Variants in KTN1 observed in about 807,000 individuals in gnomAD.
The protein encoded by KTN1 is kinectin.
In KTN1, 130 loss-of-function variants were observed where a neutral mutation model predicts 222.5. The ratio of observed to expected loss-of-function variants is 0.58; its 90% confidence interval spans 0.51 to 0.68. The LOEUF is 0.68. Among genes scored for constraint, KTN1 ranks in the 30% least tolerant of loss-of-function variants. The pLI is 0.00. For missense variants in KTN1, 1,508 were observed against 1,500.4 expected (o/e 1.01, Z -0.08); for synonymous variants, 512 against 496.3 (o/e 1.03, Z -0.42).
Position 55,673,021 on chromosome 14 carries a change from A to G in KTN1, c.3687+9A>G, listed in dbSNP as rs367995903. 2.5e-6 allele frequency: 4 copies of G among 1,600,570 alleles called. No individual in the cohort carries two copies. In the African/African-American group the frequency reaches 5.4e-5, roughly 21 times the overall value. On this transcript the variant is annotated intron_variant, in intron 39 of 43. Transcript: ENST00000395314. ...TTACAGAAGTCAGAGAGGTACTTAC[A>G]ACAGAATCTTTTCAAACTTGCTTCT...
intron 22 of KTN1, 121 bp downstream of exon 22, chr14:55,649,934 C>G (rs926803402): frequency 2.8e-5 from 15 of 529,402 alleles, no homozygotes; most frequent in Non-Finnish European, 4.9e-5. Flanking sequence ...AACTTTCACT[C>G]TATAATTTTT....
chr14:55,649,370 G>T (rs1451799242), intron 21 of KTN1, among the ~76,000 whole-genome samples: 1 of 147,924 alleles, frequency 6.8e-6, no homozygotes, highest in Non-Finnish European at 1.5e-5. Flanking sequence ...TGATTGCCAG[G>T]TACTGTGACA....
rs763976718 is a variant in KTN1 at position 55,616,533 on chromosome 14, G to T, written c.540G>T (p.Lys180Asn). The T allele has an allele frequency of 3.2e-6, 5 of 1,584,310 alleles. No homozygotes were observed. The African/African-American group carries it at 6.9e-5, about 22-fold the overall frequency. ...TTAATAAAGATGACCAGGATAAAAAGGTGGAAACTCTCATGGTACCATCAA... is the reference window on the plus strand; with the variant it reads ...TTAATAAAGATGACCAGGATAAAAATGTGGAAACTCTCATGGTACCATCAA... ...SKNGSDDQDK[K>N]VETLMVPSKR... The change falls in exon 3 of 44, where the codon AAG becomes AAT. Residue 180 changes from lysine (K) to asparagine (N), a missense_variant. By Grantham distance (94) the Lys-to-Asn change is moderately conservative (BLOSUM62 0). Coordinates refer to ENST00000395314, the MANE Select transcript of KTN1 (RefSeq NM_001079521.2).
At chr14:55,684,053 G>A (rs772979505) in intron 43 of KTN1, 46 bp from the exon 44 acceptor site, 1 of 1,562,772 alleles carries the variant, frequency 6.4e-7, no homozygotes, top group South Asian at 1.2e-5. Context: ...ATTGCCTTCT[G>A]TTGCTTTGTT....
At position 55,637,834 on chromosome 14, in the gene KTN1, A is replaced by G. The variant is rs766927714; in HGVS notation, c.1772A>G (p.Gln591Arg). Residue 591 changes from glutamine to arginine, a missense_variant, in exon 12 of 44, where the codon CAG (glutamine) becomes CGG (arginine). Gln to Arg is a conservative substitution (Grantham distance 43, BLOSUM62 1). Transcript: ENST00000395314. ...LKAQIQQFHS[Q>R]IAAQTSASVL... is the part of the protein sequence containing the mutation. Reference sequence around the variant, plus strand: ...GCTCAAATTCAGCAGTTCCATTCCCAGATAGCAGCCCAGGTAATGATGCTT... The same window carrying G: ...GCTCAAATTCAGCAGTTCCATTCCCGGATAGCAGCCCAGGTAATGATGCTT... 1.2e-5 allele frequency: 19 copies of G among 1,610,872 alleles called. No individual in the cohort carries two copies. The South Asian group carries it at 1.9e-4, about 16-fold the overall frequency.
At position 55,633,273 on chromosome 14, in the gene KTN1, T is replaced by C; in HGVS notation, c.1260T>C (p.Ala420=). Residue 420 remains alanine, a synonymous_variant, in exon 8 of 44, where the codon GCT becomes GCC. Coordinates refer to ENST00000395314, the MANE Select transcript of KTN1 (RefSeq NM_001079521.2). ...GTGAGCAGATGGAGGCAGAGATAGC[T>C]CACTTGAAGCAGGAAAATGGTATAC... ...QVREQMEAEI[A]HLKQENGILR... 6.3e-7 allele frequency: 1 copy of C among 1,598,364 alleles called. No individual in the cohort carries two copies. The highest frequency in any genetic ancestry group is 8.5e-7 in the Non-Finnish European group (1 of 1,172,310).
At chr14:55,603,711 C>A (rs930469618) in intron 1 of KTN1, among the ~76,000 whole-genome samples, 6 of 152,188 alleles carry the variant, frequency 3.9e-5, no homozygotes, top group African/African-American at 1.4e-4. Flanking sequence ...ATATCTCCAG[C>A]CTTCACTTGT....
intron 1 of KTN1, among the ~76,000 whole-genome samples, chr14:55,582,356 G>A (rs2031877756): frequency 6.6e-6 from 1 of 152,046 alleles, no homozygotes; most frequent in Non-Finnish European, 1.5e-5. Flanking sequence ...TAGGGAGATC[G>A]TTTTAATAAT....
intron 18 of KTN1, chr14:55,644,437 G>A: frequency 1.4e-6 from 1 of 702,308 alleles, no homozygotes; most frequent in Non-Finnish European, 2.6e-6. Context: ...AAGACAACAG[G>A]TACCAAGTAA....
chr14:55,585,387 A>G (rs1473137556), intron 1 of KTN1, among the ~76,000 whole-genome samples: 1 of 152,212 alleles, frequency 6.6e-6, no homozygotes, highest in African/African-American at 2.4e-5. Context: ...GCAAGGAATC[A>G]AAATATATGT....
At chr14:55,627,797 T>C in intron 5 of KTN1, 115 bp from the exon 6 acceptor site, 1 of 645,456 alleles carries the variant, frequency 1.5e-6, no homozygotes, top group Non-Finnish European at 2.8e-6. Context: ...CATGAACTCA[T>C]TCTTTTTTAT....
chr14:55,650,492 T>C (rs1408365478), intron 23 of KTN1, 74 bp downstream of exon 23: 3 of 1,509,200 alleles, frequency 2.0e-6, no homozygotes, highest in Admixed American at 3.5e-5. Flanking sequence ...ATTTCGTGTG[T>C]TTTTGTCTGT....
At position 55,671,896 on chromosome 14, in the gene KTN1, CT is replaced by C; in HGVS notation, c.3531+21del. The C allele has an allele frequency of 7.1e-7, 1 of 1,404,498 alleles. No homozygotes were observed. The highest frequency in any genetic ancestry group is 1.0e-6 in the Non-Finnish European group (1 of 990,434). The allele number at this position is 1,404,498 out of a possible 1,614,324, so 87.0% of individuals were successfully genotyped here. On this transcript the variant is annotated intron_variant, in intron 37 of 43. Coordinates refer to ENST00000395314, the MANE Select transcript of KTN1 (RefSeq NM_001079521.2). The stretch of plus-strand genomic sequence containing the variant: ...TAAACAGGTATTTACAAAAGAAAAG[CT>C]TAGAGCAGTGGTTCTCGATGTGTGG...
At chr14:55,599,454 C>T (rs2035609328) in intron 1 of KTN1, among the ~76,000 whole-genome samples, 1 of 151,926 alleles carries the variant, frequency 6.6e-6, no homozygotes, top group African/African-American at 2.4e-5. Flanking sequence ...CTTTTGTGGC[C>T]ATTGAGCCAT....
At chr14:55,654,566 T>C (rs2043268730) in intron 28 of KTN1, among the ~76,000 whole-genome samples, 1 of 152,080 alleles carries the variant, frequency 6.6e-6, no homozygotes, top group Non-Finnish European at 1.5e-5. Context: ...ATTTTCTTTT[T>C]TAAATTAATA....
In KTN1 at chr14:55,663,305, A is replaced by G. The variant is rs561417072; in HGVS notation, c.3091-650A>G. On this transcript the variant is annotated intron_variant, in intron 32 of 43. Coordinates refer to ENST00000395314, the MANE Select transcript of KTN1 (RefSeq NM_001079521.2). Reference sequence around the variant, plus strand: ...AATGCTGTTAAAATCCAGATCTCTCAATTTTTAATAACCTCTTTCGCCTCC... The same window carrying G: ...AATGCTGTTAAAATCCAGATCTCTCGATTTTTAATAACCTCTTTCGCCTCC... 10 of 180,854 alleles carry G rather than the reference A, an allele frequency of 5.5e-5. No homozygotes were observed. In the South Asian group the frequency reaches 1.2e-3, roughly 22 times the overall value. The allele number at this position is 180,854 out of a possible 1,614,324, so 11.2% of individuals were successfully genotyped here. A position where few individuals can be genotyped will look rare whatever the true frequency, so the allele number is the denominator to read the frequency against.
rs750621084 is a variant in KTN1 at position 55,672,995 on chromosome 14, G to A, written c.3670G>A (p.Val1224Ile). 5 of 1,611,968 alleles carry A rather than the reference G, an allele frequency of 3.1e-6. No individual in the cohort carries two copies. The highest frequency in any genetic ancestry group is 4.2e-6 in the Non-Finnish European group (5 of 1,178,172). The change falls in exon 39 of 44, where the codon GTT (valine) becomes ATT (isoleucine). Residue 1224 changes from valine to isoleucine, a missense_variant. Coordinates refer to ENST00000395314, the MANE Select transcript of KTN1 (RefSeq NM_001079521.2). ...EKAEMERSTY[V>I]TEVRELKDLL... ...GGCAGAGATGGAACGATCTACCTAT[G>A]TTACAGAAGTCAGAGAGGTACTTAC... is the stretch of plus-strand genomic sequence containing the variant.
chr14:55,644,879 G>A (rs1284846734), intron 18 of KTN1, among the ~76,000 whole-genome samples: 1 of 152,026 alleles, frequency 6.6e-6, no homozygotes, highest in Non-Finnish European at 1.5e-5. Context: ...AGTATTTGAT[G>A]AGCTGCAGAC....
intron 18 of KTN1, among the ~76,000 whole-genome samples, 185 bp downstream of exon 18, chr14:55,641,945 C>A (rs1429538502): frequency 6.6e-6 from 1 of 152,098 alleles, no homozygotes; most frequent in Non-Finnish European, 1.5e-5. Context: ...GAAGCTAATG[C>A]CAATCTGCTC....
Sources: allele counts gnomAD v4.1 joint callset (sites outside exome capture counted in the v4.1 genomes callset), GRCh38; gene constraint gnomAD v4.1.1; transcripts MANE v1.5; gene names NCBI Gene and HGNC (gene_info 2026-07-23, HGNC 2026-07-21).